The following PPP4R4 variants were observed in gnomAD, a reference collection of about 807,000 sequenced individuals.
PPP4R4 encodes protein phosphatase 4 regulatory subunit 4, also known as serine/threonine-protein phosphatase 4 regulatory subunit 4.
In PPP4R4, 70 loss-of-function variants were observed where a neutral mutation model predicts 121.8. The observed-to-expected ratio is 0.57, with a 90% CI of 0.47 to 0.70. The LOEUF (loss-of-function observed/expected upper bound fraction) is 0.70. PPP4R4 is among the 30% of genes least tolerant of loss of function. The probability of loss-of-function intolerance (pLI) is 0.00; values close to 1 mark genes in which losing one functional copy is unlikely to be tolerated. For synonymous variants in PPP4R4, 348 were observed against 355.7 expected (o/e 0.98, Z 0.24); for missense variants, 875 against 1,033.6 (o/e 0.85, Z 2.10).
In PPP4R4 at chr14:94,250,175, G is replaced by T; in HGVS notation, c.1615G>T (p.Val539Phe). 6.2e-7 allele frequency: 1 copy of T among 1,601,552 alleles called. No individual in the cohort carries two copies. The part of the protein sequence containing the change: ...RMFTIMMTNN[V>F]LPVQKAASRT... ...CTGTCTTACTTACTTCTTCAAGAATGTTTTACCTGTCCAAAAGGCGGCTTC... is the reference window on the plus strand; with the variant it reads ...CTGTCTTACTTACTTCTTCAAGAATTTTTTACCTGTCCAAAAGGCGGCTTC... Residue 539 changes from valine (V) to phenylalanine (F), a missense_variant, in exon 15 of 25, where the codon GTT becomes TTT. Coordinates refer to ENST00000304338, the MANE Select transcript of PPP4R4 (RefSeq NM_058237.2).
intron 7 of PPP4R4, among the ~76,000 whole-genome samples, chr14:94,235,388 C>CTTT (rs34881107): frequency 8.9e-4 from 45 of 50,808 alleles, no homozygotes; most frequent in African/African-American, 2.0e-3. Context: ...TCTCCTTGTT[C>CTTT]TTTTTTTTTT....
At chr14:94,237,453 C>A in intron 7 of PPP4R4, 112 bp from the exon 8 acceptor site, 2 of 984,154 alleles carry the variant, frequency 2.0e-6, no homozygotes, top group Non-Finnish European at 3.0e-6. Flanking sequence ...GGAACAGTAT[C>A]TTTATGATTT....
intron 19 of PPP4R4, among the ~76,000 whole-genome samples, chr14:94,264,241 C>T (rs1033302609): frequency 3.9e-5 from 6 of 152,106 alleles, no homozygotes; most frequent in Admixed American, 6.6e-5. Context: ...CTCCACCTCC[C>T]GGGTTGAAGT....
rs377231028 is a variant in PPP4R4 at position 94,218,547 on chromosome 14, C to T, written c.294+9981C>T. Among the ~76,000 whole-genome samples the T allele has an allele frequency of 2.6e-3, 261 of 98,984 alleles. 24 individuals carry two copies. Among genetic ancestry groups the T allele is most frequent in the African/African-American group, 9.1e-3 (190 of 20,898 alleles). The allele number at this position is 98,984 out of a possible 152,430, so 64.9% of individuals were successfully genotyped here. On this transcript the variant is annotated intron_variant, in intron 3 of 24. Coordinates refer to ENST00000304338, the MANE Select transcript of PPP4R4 (RefSeq NM_058237.2). ...CCCTCACCTCTAGACACTGCGCGCG[C>T]GCACACACACACACTCACCCCTAGA...
In PPP4R4 at chr14:94,266,966, T is replaced by C; in HGVS notation, c.2386T>C (p.Ser796Pro). Residue 796 changes from serine (S) to proline (P), a missense_variant, in exon 23 of 25, where the codon TCT becomes CCT. By Grantham distance (74) the Ser-to-Pro change is moderately conservative (BLOSUM62 -1). Coordinates refer to ENST00000304338, the MANE Select transcript of PPP4R4 (RefSeq NM_058237.2). The stretch of plus-strand genomic sequence containing the variant: ...AATCATGTTGTTTTCTAGTAAAAGT[T>C]CTACAACAGGATATACAACTTCTGT... The part of the protein sequence containing the change: ...GNLEKCASKS[S>P]TTGYTTSVSG... The C allele has an allele frequency of 6.3e-7, 1 of 1,579,118 alleles. No individual in the cohort carries two copies. Among genetic ancestry groups the C allele is most frequent in the East Asian group, 2.2e-5 (1 of 44,498 alleles).
intron 1 of PPP4R4, among the ~76,000 whole-genome samples, chr14:94,174,850 G>T (rs1888578629): frequency 6.6e-6 from 1 of 151,588 alleles, no homozygotes; most frequent in South Asian, 2.1e-4. Flanking sequence ...CCGGACCGGC[G>T]CCAGCCCCGC....
chr14:94,199,563 A>T (rs1019158360), intron 2 of PPP4R4, among the ~76,000 whole-genome samples: 4 of 152,200 alleles, frequency 2.6e-5, no homozygotes, highest in African/African-American at 9.7e-5. Context: ...GTGTACTGGA[A>T]GAATCGGATC....
At chr14:94,265,335 A>C in intron 20 of PPP4R4, 52 bp from the exon 21 acceptor site, 3 of 1,312,866 alleles carry the variant, frequency 2.3e-6, no homozygotes, top group Non-Finnish European at 3.3e-6. Context: ...ATTTATGGAG[A>C]TTAATAAGGA....
chr14:94,182,480 A>G (rs1268781394), intron 2 of PPP4R4, among the ~76,000 whole-genome samples: 3 of 152,146 alleles, frequency 2.0e-5, no homozygotes, highest in Admixed American at 2.0e-4. Flanking sequence ...CTAACACTAT[A>G]CATTGATTTA....
At position 94,176,035 on chromosome 14, in the gene PPP4R4, T is replaced by C; in HGVS notation, c.118-19T>C. 2 of 1,597,294 alleles carry C rather than the reference T, an allele frequency of 1.3e-6. No individual in the cohort carries two copies. Among genetic ancestry groups the C allele is most frequent in the Non-Finnish European group, 1.7e-6 (2 of 1,164,468 alleles). On this transcript the variant is annotated intron_variant, in intron 1 of 24. Coordinates refer to ENST00000304338, the MANE Select transcript of PPP4R4 (RefSeq NM_058237.2). ...AACCAATATTTGTGGTGCATAAATG[T>C]GTATTTTACCCTTGACAGACACCGG... is the stretch of plus-strand genomic sequence containing the variant.
At chr14:94,216,821 C>G (rs887835299) in intron 3 of PPP4R4, among the ~76,000 whole-genome samples, 4 of 152,086 alleles carry the variant, frequency 2.6e-5, no homozygotes, top group Non-Finnish European at 5.9e-5. Flanking sequence ...ACCCTCACTC[C>G]TCCAGGACCA....
intron 2 of PPP4R4, among the ~76,000 whole-genome samples, chr14:94,185,122 C>T (rs1396843583): frequency 1.3e-5 from 2 of 152,170 alleles, no homozygotes; most frequent in African/African-American, 4.8e-5. Flanking sequence ...CAGATTTATT[C>T]TTGGAGGCTG....
At chr14:94,190,601 A>T (rs921044629) in intron 2 of PPP4R4, among the ~76,000 whole-genome samples, 1 of 152,198 alleles carries the variant, frequency 6.6e-6, no homozygotes, top group African/African-American at 2.4e-5. Flanking sequence ...ACTCTGTCTC[A>T]AAAACATAAA....
At chr14:94,215,167 T>TA (rs1434062427) in intron 3 of PPP4R4, among the ~76,000 whole-genome samples, 1 of 152,124 alleles carries the variant, frequency 6.6e-6, no homozygotes, top group Non-Finnish European at 1.5e-5. Flanking sequence ...GATATATCCT[T>TA]AAAAAAATCC....
chr14:94,261,511 C>T (rs941864328), intron 19 of PPP4R4, among the ~76,000 whole-genome samples: 11 of 151,914 alleles, frequency 7.2e-5, no homozygotes, highest in African/African-American at 2.7e-4. Context: ...ATCATATCTT[C>T]TTTAAATACA....
Position 94,194,830 on chromosome 14 carries a change from G to T in PPP4R4, c.192-13634G>T, listed in dbSNP as rs144280383. 1.8e-3 allele frequency among the ~76,000 whole-genome samples: 267 copies of T among 152,216 alleles called. 2 individuals carry two copies. Among genetic ancestry groups the T allele is most frequent in the African/African-American group, 5.9e-3 (246 of 41,528 alleles). On this transcript the variant is annotated intron_variant, in intron 2 of 24. Transcript: ENST00000304338. The stretch of plus-strand genomic sequence containing the variant: ...AGCAGAACAAAACAACATGTTCACA[G>T]CCCCAAGAAATTCCCAGGCATGCAA...
intron 19 of PPP4R4, among the ~76,000 whole-genome samples, chr14:94,260,221 C>T (rs1015891806): frequency 1.3e-5 from 2 of 152,106 alleles, no homozygotes; most frequent in Non-Finnish European, 2.9e-5. Context: ...GTCAGGAGAT[C>T]AAGACCATCC....
intron 3 of PPP4R4, among the ~76,000 whole-genome samples, chr14:94,217,631 G>A (rs1891096642): frequency 6.6e-6 from 1 of 152,162 alleles, no homozygotes; most frequent in African/African-American, 2.4e-5. Flanking sequence ...AAAATCCACT[G>A]AAAAAACAAC....
At chr14:94,216,954 C>T (rs1244003284) in intron 3 of PPP4R4, among the ~76,000 whole-genome samples, 1 of 152,118 alleles carries the variant, frequency 6.6e-6, no homozygotes, top group African/African-American at 2.4e-5. Flanking sequence ...CAGAGGTCTG[C>T]CACCAGTGGG....
Sources: allele counts gnomAD v4.1 joint callset (sites outside exome capture counted in the v4.1 genomes callset), GRCh38; gene constraint gnomAD v4.1.1; transcripts MANE v1.5; gene names NCBI Gene and HGNC (gene_info 2026-07-23, HGNC 2026-07-21).